L3MBTL1: variants seen among roughly 807,000 people sequenced by gnomAD.
L3MBTL1 encodes lethal(3)malignant brain tumor-like protein 1.
Under a neutral mutation model 105.3 loss-of-function variants are expected in L3MBTL1, and 75 were observed. The ratio of observed to expected loss-of-function variants is 0.71; its 90% CI spans 0.59 to 0.86. L3MBTL1 has a LOEUF of 0.86. Ranked by LOEUF, L3MBTL1 falls within the 40% of genes least tolerant of loss-of-function variation. The probability of loss-of-function intolerance (pLI) is 0.00; values close to 1 mark genes in which losing one functional copy is unlikely to be tolerated. For missense variants in L3MBTL1, 1,069 were observed against 1,126.4 expected (o/e 0.95, Z 0.73); for synonymous variants, 452 against 436.2 (o/e 1.04, Z -0.45).
At chr20:43,522,497 G>T (rs1362674543) in intron 7 of L3MBTL1, among the ~76,000 whole-genome samples, 1 of 89,182 alleles carries the variant, frequency 1.1e-5, no homozygotes, top group African/African-American at 4.0e-5. Context: ...TTGGAGACAG[G>T]ATCTGGCTCT....
In L3MBTL1 at chr20:43,529,359, C is replaced by T. The variant is rs781366016; in HGVS notation, c.1047C>T (p.Thr349=). The change falls in exon 9 of 22, where the codon ACC becomes ACT. Residue 349 remains threonine, a synonymous_variant. Transcript: ENST00000418998. The stretch of plus-strand genomic sequence containing the variant: ...ACCCGTCCATGTACTTCATCCTCAC[C>T]GTGGCTGAGGTGAGCTGGGGCTTGG... The part of the protein sequence containing the change: ...PQHPSMYFIL[T]VAEVCGYRLR... 7.5e-6 allele frequency: 12 copies of T among 1,609,332 alleles called. No homozygotes were observed. The highest frequency in any genetic ancestry group is 1.6e-4 in the Middle Eastern group (1 of 6,076).
chr20:43,522,238 C>T (rs1465059457), intron 7 of L3MBTL1, among the ~76,000 whole-genome samples: 1 of 151,986 alleles, frequency 6.6e-6, no homozygotes, highest in South Asian at 2.1e-4. Context: ...CCCTGTAGTC[C>T]CAGCTACTCA....
downstream of L3MBTL1, among the ~76,000 whole-genome samples, chr20:43,542,611 CAAAAAAAAA>C (rs5841503): frequency 8.9e-6 from 1 of 112,658 alleles, no homozygotes; most frequent in Non-Finnish European, 1.8e-5. Context: ...AAAAATTTAA[CAAAAAAAAA>C]AAAAAAAAAA....
intron 1 of L3MBTL1, among the ~76,000 whole-genome samples, chr20:43,509,156 C>G (rs937065388): frequency 1.3e-5 from 2 of 152,082 alleles, no homozygotes; most frequent in African/African-American, 2.4e-5. Context: ...CCACTTTTTT[C>G]TTTATACTCA....
chr20:43,529,766 G>A (rs1037523370), intron 9 of L3MBTL1, among the ~76,000 whole-genome samples: 1 of 152,338 alleles, frequency 6.6e-6, no homozygotes, highest in South Asian at 2.1e-4. Context: ...CTGAGGAGCA[G>A]CAAAAGCATA....
chr20:43,542,450 C>T (rs2019953231), downstream of L3MBTL1, among the ~76,000 whole-genome samples: 1 of 151,978 alleles, frequency 6.6e-6, no homozygotes, highest in African/African-American at 2.4e-5. Flanking sequence ...GTGCTGCTCC[C>T]CTAGAAGTGT....
chr20:43,517,749 A>G (rs2018476599), intron 7 of L3MBTL1, among the ~76,000 whole-genome samples: 1 of 152,128 alleles, frequency 6.6e-6, no homozygotes, highest in East Asian at 1.9e-4. Flanking sequence ...CCCACAGAGA[A>G]CCAGACAGAT....
At chr20:43,542,172 T>G (rs1047382044), downstream of L3MBTL1, among the ~76,000 whole-genome samples, 6 of 152,208 alleles carry the variant, frequency 3.9e-5, no homozygotes, top group African/African-American at 9.7e-5. Flanking sequence ...ATTGCACCAC[T>G]GCACTCCGGT....
At chr20:43,514,515 T>G (rs1266162586) in intron 3 of L3MBTL1, 120 bp from the exon 4 acceptor site, 21 of 1,552,836 alleles carry the variant, frequency 1.4e-5, no homozygotes, top group Middle Eastern at 1.7e-4. Context: ...TGGCGTGGAG[T>G]CTTGAGGCCT....
At chr20:43,513,366 G>T in intron 1 of L3MBTL1, 110 bp from the exon 2 acceptor site, 1 of 1,107,130 alleles carries the variant, frequency 9.0e-7, no homozygotes. Context: ...TGCAGGTCAC[G>T]GGTTTGAAGG....
At chr20:43,509,195 TTC>T (rs1047344083) in intron 1 of L3MBTL1, among the ~76,000 whole-genome samples, 8 of 151,918 alleles carry the variant, frequency 5.3e-5, no homozygotes, top group African/African-American at 1.7e-4. Flanking sequence ...TTTTCTTTCT[TTC>T]TCTCTCTCTC....
At chr20:43,530,768 C>T (rs374464014) in intron 10 of L3MBTL1, 30 bp from the exon 11 acceptor site, 11 of 1,602,210 alleles carry the variant, frequency 6.9e-6, no homozygotes, top group South Asian at 4.4e-5. Flanking sequence ...CTCTGCACGG[C>T]GCTCTGTTCA....
At chr20:43,533,899 T>G (rs1010271187) in intron 13 of L3MBTL1, 109 bp from the exon 14 acceptor site, 37 of 787,842 alleles carry the variant, frequency 4.7e-5, no homozygotes, top group South Asian at 9.2e-5. Flanking sequence ...GTGGGAGAGA[T>G]TCTACTCCAA....
At chr20:43,522,456 A>ATTTTTTTTTTTTT (rs778355165) in intron 7 of L3MBTL1, among the ~76,000 whole-genome samples, 8 of 89,866 alleles carry the variant, frequency 8.9e-5, no homozygotes, top group East Asian at 4.2e-4. Flanking sequence ...TTCCCTGCTA[A>ATTTTTTTTTTTTT]GTTTTTTTTT....
At chr20:43,540,118 G>A (rs758365879) in intron 19 of L3MBTL1, 33 bp from the exon 20 acceptor site, 18 of 1,606,744 alleles carry the variant, frequency 1.1e-5, no homozygotes, top group Middle Eastern at 1.6e-4. Flanking sequence ...AGTCATCCTC[G>A]TTGGCCTGCC....
At chr20:43,515,792 C>A in intron 6 of L3MBTL1, 1 of 461,858 alleles carries the variant, frequency 2.2e-6, no homozygotes, top group Non-Finnish European at 4.0e-6. Flanking sequence ...AGCATGAATT[C>A]TACTGGGCGT....
intron 1 of L3MBTL1, among the ~76,000 whole-genome samples, 151 bp downstream of exon 1, chr20:43,507,895 G>T (rs1042913221): frequency 1.3e-5 from 2 of 152,106 alleles, no homozygotes; most frequent in East Asian, 3.9e-4. Context: ...CTGGGGAGGA[G>T]GTTCGGGAAA....
chr20:43,540,127 C>T (rs2019837353), intron 19 of L3MBTL1, 24 bp from the exon 20 acceptor site: 2 of 1,608,426 alleles, frequency 1.2e-6, no homozygotes, highest in East Asian at 4.5e-5. Flanking sequence ...CGTTGGCCTG[C>T]CAGCCTCTGC....
intron 11 of L3MBTL1, chr20:43,531,154 A>C (rs948810892): frequency 4.1e-6 from 2 of 492,466 alleles, no homozygotes; most frequent in Non-Finnish European, 7.2e-6. Flanking sequence ...CCCCTGGCCC[A>C]CTACCCTAGT....
Sources: gnomAD v4.1 joint callset for allele counts (sites outside exome capture counted in the v4.1 genomes callset) on GRCh38, gnomAD v4.1.1 for gene constraint, MANE v1.5 for transcripts, NCBI Gene and HGNC (gene_info 2026-07-23, HGNC 2026-07-21) for gene names.